LARP4B: variants seen among roughly 807,000 people sequenced by gnomAD.
The protein encoded by LARP4B is la-related protein 4B.
In LARP4B, 12 loss-of-function variants were observed where a neutral mutation model predicts 89.8. The ratio of observed to expected loss-of-function variants is 0.13; its 90% CI spans 0.09 to 0.22. The LOEUF is 0.22. Ranked by LOEUF, LARP4B falls within the 10% of genes least tolerant of loss-of-function variation. The probability of loss-of-function intolerance (pLI) is 1.00; values close to 1 mark genes in which losing one functional copy is unlikely to be tolerated. For missense variants in LARP4B, 757 were observed against 947.7 expected (o/e 0.80, Z 2.64); for synonymous variants, 367 against 363.3 (o/e 1.01, Z -0.12).
chr10:904,951 A>C (rs1836448381), intron 1 of LARP4B, among the ~76,000 whole-genome samples: 1 of 152,242 alleles, frequency 6.6e-6, no homozygotes, highest in Non-Finnish European at 1.5e-5. Context: ...CTGATGGTTC[A>C]ATGTACAGAC....
At chr10:833,742 A>G (rs537227076) in intron 8 of LARP4B, among the ~76,000 whole-genome samples, 6 of 152,116 alleles carry the variant, frequency 3.9e-5, no homozygotes, top group Non-Finnish European at 8.8e-5. Context: ...GTACAAAATT[A>G]GCTTGGCATG....
chr10:883,367 C>G (rs533152728), intron 3 of LARP4B, among the ~76,000 whole-genome samples: 18 of 151,978 alleles, frequency 1.2e-4, no homozygotes, highest in Non-Finnish European at 2.5e-4. Flanking sequence ...CAAAATTATC[C>G]AGGTGTGATG....
intron 1 of LARP4B, among the ~76,000 whole-genome samples, chr10:918,277 T>C (rs1836880815): frequency 6.6e-6 from 1 of 152,198 alleles, no homozygotes; most frequent in African/African-American, 2.4e-5. Context: ...ATCATCATGC[T>C]TGGCCCAAAT....
chr10:985,475 T>C, the LARP4B span: 1 of 152,184 alleles, frequency 6.6e-6, no homozygotes, highest in Non-Finnish European at 1.5e-5. Context: ...AGCTGAGACA[T>C]TTTCCCAGGA....
chr10:931,281 C>T (rs1270854061), intron 1 of LARP4B, 147 bp downstream of exon 1: 1 of 151,904 alleles, frequency 6.6e-6, no homozygotes, highest in African/African-American at 2.4e-5. Flanking sequence ...CCGGCCTTCC[C>T]CTGCCCCGGC....
chr10:817,718 C>G lies in LARP4B; in HGVS notation c.1695+7G>C. ...GGCAACTATTAGACATGCAATATAT[C>G]CCTTACCCTTTCTTTGGATGGTCCT... is the stretch of plus-strand genomic sequence containing the variant. On this transcript the variant is annotated splice_region_variant and intron_variant, in intron 15 of 17. Coordinates refer to ENST00000316157, the MANE Select transcript of LARP4B (RefSeq NM_015155.3). 1.2e-6 allele frequency: 2 copies of G among 1,613,400 alleles called. No homozygotes were observed. The highest frequency in any genetic ancestry group is 1.7e-6 in the Non-Finnish European group (2 of 1,179,376).
chr10:871,363 A>G (rs1394648626), intron 3 of LARP4B, among the ~76,000 whole-genome samples: 8 of 152,126 alleles, frequency 5.3e-5, no homozygotes, highest in Non-Finnish European at 2.9e-5. Flanking sequence ...GTGCCATGCT[A>G]AGCTTTAGGC....
At chr10:866,637 C>T (rs745384624) in intron 3 of LARP4B, among the ~76,000 whole-genome samples, 3 of 152,208 alleles carry the variant, frequency 2.0e-5, no homozygotes, top group Non-Finnish European at 2.9e-5. Flanking sequence ...TAGACCCAGT[C>T]TGTTTTCACC....
At chr10:969,902 G>C in the LARP4B span, among the ~76,000 whole-genome samples, 1 of 152,126 alleles carries the variant, frequency 6.6e-6, no homozygotes, top group Non-Finnish European at 1.5e-5. Context: ...GAAGGTAAGG[G>C]ACCGTGAGCA....
chr10:833,711 GAA>G (rs903570020), intron 8 of LARP4B, among the ~76,000 whole-genome samples: 3 of 152,088 alleles, frequency 2.0e-5, no homozygotes, highest in Non-Finnish European at 4.4e-5. Flanking sequence ...CCAACATTGT[GAA>G]ACTCTGTCTC....
chr10:836,531 G>A (rs1833226390), intron 7 of LARP4B, 25 bp from the exon 8 acceptor site: 1 of 1,417,100 alleles, frequency 7.1e-7, no homozygotes, highest in East Asian at 2.3e-5. Flanking sequence ...AAAATCAATG[G>A]TGAAACAAAA....
chr10:985,159 C>G, the LARP4B span: 45 of 152,312 alleles, frequency 3.0e-4, no homozygotes, highest in African/African-American at 1.0e-3. Context: ...ACCCACCTCA[C>G]TATGCTGTCC....
At chr10:858,314 C>T (rs1164774295) in intron 5 of LARP4B, among the ~76,000 whole-genome samples, 1 of 152,080 alleles carries the variant, frequency 6.6e-6, no homozygotes, top group Non-Finnish European at 1.5e-5. Context: ...GCAGTCTTTT[C>T]AATAAATAGT....
chr10:808,864 G>A (rs943923435), downstream of LARP4B: 2 of 151,738 alleles, frequency 1.3e-5, no homozygotes, highest in African/African-American at 4.8e-5. Context: ...AAGATTGATA[G>A]ATTTTACTAC....
rs1023637084 is a variant in LARP4B at position 861,407 on chromosome 10, C to T, written c.430+2336G>A. Among the ~76,000 whole-genome samples, 7 of 152,218 alleles carry T rather than the reference C, an allele frequency of 4.6e-5. No individual in the cohort carries two copies. The East Asian group carries it at 1.2e-3, about 25-fold the overall frequency. On this transcript the variant is annotated intron_variant, in intron 5 of 17. Transcript: ENST00000316157. ...GAAGTATATGATGTTTATTGTACAT[C>T]GGTTATGCCTCACTAATGCTTTATA...
chr10:957,800 C>CTTTTTTT, the LARP4B span, among the ~76,000 whole-genome samples: 1 of 125,102 alleles, frequency 8.0e-6, no homozygotes, highest in Non-Finnish European at 1.7e-5. Flanking sequence ...CATTTTCTTT[C>CTTTTTTT]TTTTTTTTTT....
intron 3 of LARP4B, among the ~76,000 whole-genome samples, chr10:880,220 T>C (rs903493165): frequency 2.6e-5 from 4 of 152,208 alleles, no homozygotes; most frequent in South Asian, 2.1e-4. Context: ...AGCTTTCTGA[T>C]TGCTAAGCCT....
At chr10:813,584 T>C (rs1441876437) in intron 17 of LARP4B, among the ~76,000 whole-genome samples, 1 of 152,146 alleles carries the variant, frequency 6.6e-6, no homozygotes, top group East Asian at 1.9e-4. Context: ...GTGCCCACGG[T>C]GGGCAATGGA....
At chr10:862,278 A>AC (rs1378980909) in intron 5 of LARP4B, among the ~76,000 whole-genome samples, 10 of 150,312 alleles carry the variant, frequency 6.7e-5, no homozygotes, top group African/African-American at 2.5e-4. Flanking sequence ...AAAAAAAAAA[A>AC]AAACAACCGT....
Sources: gnomAD v4.1 joint callset for allele counts (sites outside exome capture counted in the v4.1 genomes callset) on GRCh38, gnomAD v4.1.1 for gene constraint, MANE v1.5 for transcripts, NCBI Gene and HGNC (gene_info 2026-07-23, HGNC 2026-07-21) for gene names.